Variants in SNX29 observed in about 807,000 individuals in gnomAD.
SNX29 encodes sorting nexin-29.
Under a neutral mutation model 102.1 loss-of-function variants are expected in SNX29, and 78 were observed. The ratio of observed to expected loss-of-function variants is 0.76; its 90% CI spans 0.64 to 0.92. The LOEUF is 0.92. Among genes scored for constraint, SNX29 ranks in the 40% least tolerant of loss-of-function variants. The pLI is 0.00. For missense variants in SNX29, 1,280 were observed against 1,061.7 expected (o/e 1.21, Z -2.86); for synonymous variants, 580 against 414.5 (o/e 1.40, Z -4.85).
At chr16:12,027,621 C>G in intron 4 of SNX29, 177 bp downstream of exon 4, 2 of 691,208 alleles carry the variant, frequency 2.9e-6, no homozygotes, top group Non-Finnish European at 2.2e-6. Flanking sequence ...TGTCTGGCAT[C>G]TTAATTTAAA....
At chr16:12,408,849 G>C (rs1277813251) in intron 18 of SNX29, among the ~76,000 whole-genome samples, 3 of 152,196 alleles carry the variant, frequency 2.0e-5, no homozygotes, top group Non-Finnish European at 4.4e-5. Context: ...ACATGCCAAA[G>C]AAATTAAGGT....
At chr16:12,295,767 GTTC>G (rs1367908591) in intron 15 of SNX29, among the ~76,000 whole-genome samples, 1 of 151,356 alleles carries the variant, frequency 6.6e-6, no homozygotes, top group Non-Finnish European at 1.5e-5. Context: ...TTGAAATTGG[GTTC>G]TTTTTTTTTT....
chr16:12,296,201 T>C (rs1719861308), intron 15 of SNX29, among the ~76,000 whole-genome samples: 1 of 152,222 alleles, frequency 6.6e-6, no homozygotes, highest in South Asian at 2.1e-4. Flanking sequence ...TCTGTAAATA[T>C]CATAATGACT....
intron 4 of SNX29, among the ~76,000 whole-genome samples, chr16:12,034,132 T>C (rs1454410020): frequency 1.3e-5 from 2 of 152,218 alleles, no homozygotes; most frequent in African/African-American, 4.8e-5. Context: ...GTGGGGATTT[T>C]TGAAAATGGT....
chr16:12,537,082 T>C (rs149578749), intron 20 of SNX29, among the ~76,000 whole-genome samples: 9 of 152,314 alleles, frequency 5.9e-5, no homozygotes, highest in African/African-American at 2.2e-4. Flanking sequence ...GATTTATCCA[T>C]GTATCTCCAC....
Position 12,398,467 on chromosome 16 carries a change from A to T in SNX29, c.1921A>T (p.Thr641Ser). ...RGPVPGDLSQ[T>S]SEDQSLSDFE... is the part of the protein sequence containing the mutation. ...GTAGGTGCCTGGAGATTTGAGTCAA[A>T]CGTCCGAAGACCAGAGTTTGTCGGA... The change falls in exon 17 of 21, where the codon ACG (threonine) becomes TCG (serine). Residue 641 changes from threonine to serine, a missense_variant. Coordinates refer to ENST00000566228, the MANE Select transcript of SNX29 (RefSeq NM_032167.5). The T allele has an allele frequency of 6.2e-7, 1 of 1,613,972 alleles. No homozygotes were observed. Among genetic ancestry groups the T allele is most frequent in the Non-Finnish European group, 8.5e-7 (1 of 1,179,874 alleles).
intron 19 of SNX29, among the ~76,000 whole-genome samples, chr16:12,514,417 C>T (rs2089771035): frequency 6.6e-6 from 1 of 152,204 alleles, no homozygotes; most frequent in African/African-American, 2.4e-5. Flanking sequence ...CTGCCTTTCT[C>T]TCCCACTGTC....
intron 14 of SNX29, among the ~76,000 whole-genome samples, chr16:12,224,930 C>G (rs1356406749): frequency 6.6e-6 from 1 of 152,162 alleles, no homozygotes; most frequent in African/African-American, 2.4e-5. Flanking sequence ...CCTGAGCATT[C>G]TCCCATCAAA....
chr16:12,201,581 T>C (rs1465745798), intron 14 of SNX29, among the ~76,000 whole-genome samples: 4 of 152,246 alleles, frequency 2.6e-5, no homozygotes, highest in Non-Finnish European at 4.4e-5. Context: ...AAAATGCTTT[T>C]AACTTTACTG....
At chr16:12,538,713 C>T (rs1249486071) in intron 20 of SNX29, among the ~76,000 whole-genome samples, 2 of 152,140 alleles carry the variant, frequency 1.3e-5, no homozygotes, top group Non-Finnish European at 2.9e-5. Context: ...TGGGCATGTA[C>T]ATCAGGGAGC....
chr16:12,403,107 A>G (rs569628101), intron 17 of SNX29, among the ~76,000 whole-genome samples: 1 of 151,914 alleles, frequency 6.6e-6, no homozygotes, highest in Non-Finnish European at 1.5e-5. Context: ...TCATTTTCAG[A>G]TGTGGAGACT....
At chr16:12,041,520 A>G (rs1354285861) in intron 4 of SNX29, among the ~76,000 whole-genome samples, 1 of 152,226 alleles carries the variant, frequency 6.6e-6, no homozygotes, top group African/African-American at 2.4e-5. Flanking sequence ...GTCCCCAATC[A>G]GTTTCACTGG....
At chr16:12,332,158 C>A (rs779065849) in intron 15 of SNX29, among the ~76,000 whole-genome samples, 15 of 152,128 alleles carry the variant, frequency 9.9e-5, no homozygotes, top group Non-Finnish European at 2.1e-4. Flanking sequence ...TTATCCTCAT[C>A]CTAGAAGAAA....
intron 14 of SNX29, among the ~76,000 whole-genome samples, chr16:12,232,312 A>G (rs2077793059): frequency 6.6e-6 from 1 of 152,214 alleles, no homozygotes; most frequent in Admixed American, 6.5e-5. Flanking sequence ...AAATCACTTG[A>G]GTCCAGGAGT....
In SNX29 at chr16:12,573,650, C is replaced by G. The variant is rs1296733036; in HGVS notation, c.*5021C>G. 2 of 222,084 alleles carry G rather than the reference C, an allele frequency of 9.0e-6. No homozygotes were observed. Among genetic ancestry groups the G allele is most frequent in the Admixed American group, 5.7e-5 (1 of 17,412 alleles). The allele number at this position is 222,084 out of a possible 1,614,324, so 13.8% of individuals were successfully genotyped here. ...ATGAACGGCAAGGGGAACCACCACT[C>G]ATTCACTGTCAGTGTAGGTAAGACA... On this transcript the variant is annotated 3_prime_UTR_variant, in exon 21 of 21. Transcript: ENST00000566228.
At chr16:12,539,611 G>C (rs746235660) in intron 20 of SNX29, among the ~76,000 whole-genome samples, 3 of 152,176 alleles carry the variant, frequency 2.0e-5, no homozygotes, top group Admixed American at 2.0e-4. Flanking sequence ...CCTAAGAGTT[G>C]AGGACTGGAT....
At chr16:12,255,037 A>G (rs534767351) in intron 14 of SNX29, among the ~76,000 whole-genome samples, 2 of 152,300 alleles carry the variant, frequency 1.3e-5, no homozygotes, top group South Asian at 4.1e-4. Flanking sequence ...CATTGACAAC[A>G]ACTGTGTATC....
At chr16:12,235,110 T>A (rs2077886316) in intron 14 of SNX29, among the ~76,000 whole-genome samples, 2 of 152,224 alleles carry the variant, frequency 1.3e-5, no homozygotes, top group Admixed American at 1.3e-4. Context: ...TTTTTCATTT[T>A]TCTTTAACTT....
chr16:12,154,477 G>A (rs566241863), intron 13 of SNX29, among the ~76,000 whole-genome samples: 1 of 152,174 alleles, frequency 6.6e-6, no homozygotes, highest in East Asian at 1.9e-4. Flanking sequence ...AATTACATAC[G>A]TGTGTGTCTG....
Sources: gnomAD v4.1 joint callset for allele counts (sites outside exome capture counted in the v4.1 genomes callset) on GRCh38, gnomAD v4.1.1 for gene constraint, MANE v1.5 for transcripts, NCBI Gene and HGNC (gene_info 2026-07-23, HGNC 2026-07-21) for gene names.